Variants in FTCDNL1 observed in about 807,000 individuals in gnomAD.
FTCDNL1 encodes the protein formiminotransferase cyclodeaminase N-terminal like.
FTCDNL1 carries 11 observed loss-of-function variants against 5.9 expected under a neutral mutation model. That is an observed-to-expected ratio of 1.87 (90% CI 1.18 to 3.10). The LOEUF (loss-of-function observed/expected upper bound fraction) is 3.10, where lower values mean the gene tolerates loss of function less well. FTCDNL1 is among the 30% of genes most tolerant of loss of function. The pLI is 0.00. For missense variants in FTCDNL1, 115 were observed against 65.5 expected (o/e 1.76, Z -2.61); for synonymous variants, 58 against 24.8 (o/e 2.34, Z -3.99).
intron 2 of FTCDNL1, 37 bp from the exon 3 acceptor site, chr2:199,846,207 T>C (rs762383544): frequency 2.7e-5 from 18 of 665,630 alleles, no homozygotes; most frequent in Middle Eastern, 2.5e-4. Context: ...AAGAATTTTT[T>C]TTCTGTGATA....
At chr2:199,769,892 C>G (rs531719354) in intron 3 of FTCDNL1, among the ~76,000 whole-genome samples, 6 of 152,170 alleles carry the variant, frequency 3.9e-5, no homozygotes, top group African/African-American at 7.2e-5. Flanking sequence ...CTACAAGGAA[C>G]CTGACTGATT....
intron 3 of FTCDNL1, among the ~76,000 whole-genome samples, chr2:199,778,028 T>C (rs1193198193): frequency 6.6e-6 from 1 of 152,150 alleles, no homozygotes; most frequent in Non-Finnish European, 1.5e-5. Flanking sequence ...GGAAGAAACA[T>C]TAACCAAAGT....
At chr2:199,798,729 G>C (rs1700293724) in intron 3 of FTCDNL1, among the ~76,000 whole-genome samples, 1 of 152,188 alleles carries the variant, frequency 6.6e-6, no homozygotes, top group Admixed American at 6.5e-5. Context: ...TTGGTGACAA[G>C]ACAACAATGA....
the FTCDNL1 span, among the ~76,000 whole-genome samples, chr2:199,709,008 C>A: frequency 6.6e-6 from 1 of 152,096 alleles, no homozygotes; most frequent in East Asian, 1.9e-4. Context: ...GGGATCTCCT[C>A]CCTGTTCCCC....
chr2:199,727,813 T>C, the FTCDNL1 span, among the ~76,000 whole-genome samples: 15,095 of 152,236 alleles, frequency 0.099, 1,028 homozygotes, highest in Middle Eastern at 0.25. Flanking sequence ...ATAGATTTTA[T>C]TGAATTATCA....
At chr2:199,841,801 A>G (rs1352349494) in intron 3 of FTCDNL1, among the ~76,000 whole-genome samples, 1 of 152,162 alleles carries the variant, frequency 6.6e-6, no homozygotes, top group Non-Finnish European at 1.5e-5. Context: ...GGCCAATATC[A>G]TCCTTCCAAA....
chr2:199,726,933 G>A, the FTCDNL1 span, among the ~76,000 whole-genome samples: 1 of 152,208 alleles, frequency 6.6e-6, no homozygotes, highest in African/African-American at 2.4e-5. Context: ...GCTGCCCCTT[G>A]ACAGATGGGA....
the FTCDNL1 span, among the ~76,000 whole-genome samples, chr2:199,691,871 G>T: frequency 9.2e-5 from 14 of 152,198 alleles, no homozygotes; most frequent in East Asian, 2.5e-3. Flanking sequence ...TAACCAATCA[G>T]CAGCAGAGCA....
the FTCDNL1 span, among the ~76,000 whole-genome samples, chr2:199,719,254 A>C: frequency 1.2e-4 from 19 of 152,232 alleles, no homozygotes; most frequent in South Asian, 1.5e-3. Context: ...ATTCTTCTGC[A>C]TATGGCAATC....
At chr2:199,743,523 AG>A in the FTCDNL1 span, among the ~76,000 whole-genome samples, 5 of 152,194 alleles carry the variant, frequency 3.3e-5, no homozygotes, top group African/African-American at 1.2e-4. Context: ...TGATTAAATG[AG>A]GACCAAAAGC....
At chr2:199,799,330 C>T (rs1700326532) in intron 3 of FTCDNL1, among the ~76,000 whole-genome samples, 1 of 152,038 alleles carries the variant, frequency 6.6e-6, no homozygotes, top group African/African-American at 2.4e-5. Flanking sequence ...ACACAAAATC[C>T]TTCAGAGCTT....
chr2:199,819,408 A>T (rs908564284), intron 4 of FTCDNL1, 164 bp downstream of exon 4: 6 of 597,946 alleles, frequency 1.0e-5, no homozygotes, highest in African/African-American at 9.3e-5. Context: ...AGGTTAGCTT[A>T]AAAGGGCCTG....
intron 3 of FTCDNL1, among the ~76,000 whole-genome samples, chr2:199,772,129 T>C (rs1276318463): frequency 6.6e-6 from 1 of 152,192 alleles, no homozygotes; most frequent in Non-Finnish European, 1.5e-5. Context: ...CAAGGTGTCT[T>C]CTAAGTGACT....
the FTCDNL1 span, among the ~76,000 whole-genome samples, chr2:199,725,770 G>T: frequency 6.6e-6 from 1 of 152,148 alleles, no homozygotes; most frequent in Non-Finnish European, 1.5e-5. Context: ...AGTTTGATGG[G>T]ATTCCCTTTG....
At chr2:199,825,697 T>C (rs1329044991) in intron 3 of FTCDNL1, among the ~76,000 whole-genome samples, 3 of 152,184 alleles carry the variant, frequency 2.0e-5, no homozygotes, top group Middle Eastern at 3.4e-3. Flanking sequence ...CTTACAGCTA[T>C]GAGTAAGAGC....
At chr2:199,684,840 G>C in the FTCDNL1 span, among the ~76,000 whole-genome samples, 3 of 152,124 alleles carry the variant, frequency 2.0e-5, no homozygotes, top group African/African-American at 4.8e-5. Context: ...AATTCAGTAA[G>C]GAATAACTTT....
intron 3 of FTCDNL1, among the ~76,000 whole-genome samples, chr2:199,831,154 T>C (rs1702345170): frequency 2.0e-5 from 3 of 152,178 alleles, no homozygotes; most frequent in Admixed American, 2.0e-4. Context: ...TTCACTTGCA[T>C]CTCTGAGTTG....
At chr2:199,701,529 T>C in the FTCDNL1 span, among the ~76,000 whole-genome samples, 1 of 152,126 alleles carries the variant, frequency 6.6e-6, no homozygotes, top group African/African-American at 2.4e-5. Flanking sequence ...CACAGCACTG[T>C]TCACAATAGC....
rs548517686 is a variant in FTCDNL1 at position 199,775,504 on chromosome 2, A to G, written c.212-14669T>C. 3.9e-5 allele frequency among the ~76,000 whole-genome samples: 6 copies of G among 152,268 alleles called. No homozygotes were observed. In the South Asian group the frequency reaches 1.2e-3, roughly 32 times the overall value. On this transcript the variant is annotated intron_variant, in intron 3 of 3. Transcript: ENST00000416668. ...AGGCCAGGAGCAATTTCCTGTGGGG[A>G]CTCAGCTGCACAGTTTCAGTCTCCA...
Sources: allele counts gnomAD v4.1 joint callset (sites outside exome capture counted in the v4.1 genomes callset), GRCh38; gene constraint gnomAD v4.1.1; transcripts MANE v1.5; gene names NCBI Gene and HGNC (gene_info 2026-07-23, HGNC 2026-07-21).